BRD10: variants seen among roughly 807,000 people sequenced by gnomAD.
BRD10 encodes bromodomain containing 10, also known as uncharacterized bromodomain-containing protein 10.
chr9:5,935,749 C>A, the BRD10 span, among the ~76,000 whole-genome samples: 1 of 152,148 alleles, frequency 6.6e-6, no homozygotes, highest in African/African-American at 2.4e-5. Context: ...ATTTGAAAAG[C>A]AGGGACAGTA....
the BRD10 span, among the ~76,000 whole-genome samples, chr9:5,883,482 T>TTTG: frequency 6.8e-6 from 1 of 146,762 alleles, no homozygotes; most frequent in Non-Finnish European, 1.5e-5. Context: ...TTTTTTTTTT[T>TTTG]TGAGACAGGG....
At chr9:5,939,297 ATTATT>A in the BRD10 span, among the ~76,000 whole-genome samples, 1 of 152,178 alleles carries the variant, frequency 6.6e-6, no homozygotes, top group Non-Finnish European at 1.5e-5. Flanking sequence ...GTTTTATAAC[ATTATT>A]TTATAACATT....
the BRD10 span, among the ~76,000 whole-genome samples, chr9:6,006,529 G>T: frequency 1.3e-5 from 2 of 152,162 alleles, no homozygotes; most frequent in African/African-American, 4.8e-5. Flanking sequence ...CGGATACCAA[G>T]AGCACAGTAT....
At chr9:5,954,072 C>T in the BRD10 span, 1 of 1,556,264 alleles carries the variant, frequency 6.4e-7, no homozygotes, top group Non-Finnish European at 8.7e-7. Context: ...TTTGTGATTG[C>T]TTTTTTAGAG....
the BRD10 span, among the ~76,000 whole-genome samples, chr9:5,937,113 C>G: frequency 1.3e-5 from 2 of 151,518 alleles, no homozygotes; most frequent in African/African-American, 2.4e-5. Flanking sequence ...GCCTGTAGTT[C>G]CAACTGCTCA....
chr9:5,917,664 C>A, the BRD10 span, among the ~76,000 whole-genome samples: 1 of 152,194 alleles, frequency 6.6e-6, no homozygotes, highest in Non-Finnish European at 1.5e-5. Flanking sequence ...CCAGCCTGAC[C>A]AATATGGTGA....
the BRD10 span, among the ~76,000 whole-genome samples, chr9:5,974,500 C>G: frequency 6.6e-6 from 1 of 152,000 alleles, no homozygotes; most frequent in Non-Finnish European, 1.5e-5. Flanking sequence ...ATGAGGTGAG[C>G]CCAAACATTG....
At chr9:5,963,982 G>A in the BRD10 span, among the ~76,000 whole-genome samples, 1 of 152,006 alleles carries the variant, frequency 6.6e-6, no homozygotes, top group East Asian at 1.9e-4. Context: ...GACCATTCAG[G>A]ACATAGGCAT....
the BRD10 span, among the ~76,000 whole-genome samples, chr9:5,933,253 A>G: frequency 3.9e-5 from 6 of 152,234 alleles, no homozygotes; most frequent in African/African-American, 7.2e-5. Context: ...AATTTTCACT[A>G]TTTTCATAGG....
the BRD10 span, among the ~76,000 whole-genome samples, chr9:5,936,452 T>C: frequency 3.9e-5 from 6 of 152,212 alleles, no homozygotes. Context: ...CTACTACTTA[T>C]TAGAATTACA....
the BRD10 span, chr9:5,919,606 G>T: frequency 8.7e-7 from 1 of 1,149,448 alleles, no homozygotes; most frequent in Non-Finnish European, 1.2e-6. Context: ...GCTTTCAACA[G>T]TATAATAAAC....
At chr9:5,976,856 G>A in the BRD10 span, among the ~76,000 whole-genome samples, 51 of 152,212 alleles carry the variant, frequency 3.4e-4, no homozygotes, top group East Asian at 8.3e-3. Flanking sequence ...TTCTGACAGA[G>A]AAGAGTGTTA....
the BRD10 span, among the ~76,000 whole-genome samples, chr9:5,954,570 C>A: frequency 6.6e-6 from 1 of 152,180 alleles, no homozygotes; most frequent in Non-Finnish European, 1.5e-5. Flanking sequence ...CAAAGTTTTT[C>A]TACTCCTTTA....
At chr9:5,961,176 G>C in the BRD10 span, among the ~76,000 whole-genome samples, 1 of 152,162 alleles carries the variant, frequency 6.6e-6, no homozygotes, top group African/African-American at 2.4e-5. Flanking sequence ...GAATGTTATA[G>C]AATAGAGAGG....
At chr9:5,960,250 A>G in the BRD10 span, among the ~76,000 whole-genome samples, 1 of 152,152 alleles carries the variant, frequency 6.6e-6, no homozygotes, top group East Asian at 1.9e-4. Flanking sequence ...GTGCTACCAT[A>G]AAGTGATTTG....
the BRD10 span, among the ~76,000 whole-genome samples, chr9:5,889,931 G>T: frequency 6.6e-5 from 10 of 152,142 alleles, no homozygotes; most frequent in Non-Finnish European, 1.3e-4. Flanking sequence ...CTTTCACATA[G>T]ATGGAAACCC....
At chr9:6,006,499 A>C in the BRD10 span, among the ~76,000 whole-genome samples, 1 of 152,214 alleles carries the variant, frequency 6.6e-6, no homozygotes, top group Non-Finnish European at 1.5e-5. Context: ...CTTGTGTTAA[A>C]TAATTGGATA....
chr9:5,980,378 C>G, the BRD10 span, among the ~76,000 whole-genome samples: 1 of 152,118 alleles, frequency 6.6e-6, no homozygotes, highest in South Asian at 2.1e-4. Context: ...GGCCATCACT[C>G]GCCATCTCCT....
chr9:5,996,834 C>A, the BRD10 span, among the ~76,000 whole-genome samples: 1 of 152,270 alleles, frequency 6.6e-6, no homozygotes, highest in African/African-American at 2.4e-5. Flanking sequence ...ACTGCTACAG[C>A]TATTCCTACT....
Sources: allele counts gnomAD v4.1 joint callset (sites outside exome capture counted in the v4.1 genomes callset), GRCh38; gene constraint gnomAD v4.1.1; transcripts MANE v1.5; gene names NCBI Gene and HGNC (gene_info 2026-07-23, HGNC 2026-07-21).